Variants in ATP2B1 observed in about 807,000 individuals in gnomAD.
ATP2B1 encodes the protein plasma membrane calcium-transporting ATPase 1.
ATP2B1 carries 14 observed loss-of-function variants against 124.2 expected under a neutral mutation model. That is an observed-to-expected ratio of 0.11 (90% CI 0.07 to 0.18). The LOEUF (loss-of-function observed/expected upper bound fraction) is 0.18. ATP2B1 is among the 10% of genes least tolerant of loss of function. The pLI, the probability that ATP2B1 is intolerant of heterozygous loss-of-function variation, is 1.00. For synonymous variants in ATP2B1, 449 were observed against 492.4 expected, an observed-to-expected ratio of 0.91 and a Z score of 1.17; for missense variants, 763 against 1,466.1, an observed-to-expected ratio of 0.52 and a Z score of 7.83.
At chr12:89,681,135 A>G (rs935912232) in intron 1 of ATP2B1, among the ~76,000 whole-genome samples, 2 of 152,206 alleles carry the variant, frequency 1.3e-5, no homozygotes, top group African/African-American at 2.4e-5. Context: ...CTAAAACTAA[A>G]GTGGAACACG....
chr12:89,689,719 T>C (rs545889016), intron 1 of ATP2B1, among the ~76,000 whole-genome samples: 25 of 152,294 alleles, frequency 1.6e-4, no homozygotes, highest in African/African-American at 5.8e-4. Flanking sequence ...ATTTTAAACA[T>C]ACATATTAGA....
intron 1 of ATP2B1, among the ~76,000 whole-genome samples, chr12:89,677,132 T>A (rs138036550): frequency 6.6e-6 from 1 of 152,142 alleles, no homozygotes; most frequent in Middle Eastern, 3.2e-3. Context: ...TGTGCAGGGA[T>A]ACACAAGGAT....
chr12:89,708,438 C>A (rs1198855522), intron 1 of ATP2B1, among the ~76,000 whole-genome samples, 158 bp downstream of exon 1: 1 of 152,130 alleles, frequency 6.6e-6, no homozygotes, highest in Non-Finnish European at 1.5e-5. Context: ...GGGCCCCGAC[C>A]GCCCCCGTCA....
chr12:89,707,829 C>G (rs1467414035), intron 1 of ATP2B1, among the ~76,000 whole-genome samples: 1 of 152,146 alleles, frequency 6.6e-6, no homozygotes, highest in African/African-American at 2.4e-5. Context: ...AGGATTCTCC[C>G]GCAGGATGGG....
intron 3 of ATP2B1, 187 bp downstream of exon 3, chr12:89,641,971 G>A: frequency 1.6e-6 from 1 of 608,734 alleles, no homozygotes; most frequent in Non-Finnish European, 2.8e-6. Flanking sequence ...GTAAAAGGGA[G>A]GTAACACAAT....
intron 1 of ATP2B1, among the ~76,000 whole-genome samples, chr12:89,683,697 G>C (rs903189454): frequency 6.6e-6 from 1 of 152,174 alleles, no homozygotes; most frequent in Non-Finnish European, 1.5e-5. Flanking sequence ...TTCTGACTGA[G>C]GATCCAGGAG....
chr12:89,705,005 A>G (rs1892286870), intron 1 of ATP2B1, among the ~76,000 whole-genome samples: 1 of 152,176 alleles, frequency 6.6e-6, no homozygotes, highest in Admixed American at 6.5e-5. Flanking sequence ...GTGTTAAGAT[A>G]TAAATGAAAT....
chr12:89,601,688 C>A (rs996359013), intron 18 of ATP2B1, among the ~76,000 whole-genome samples: 4 of 152,026 alleles, frequency 2.6e-5, no homozygotes, highest in African/African-American at 9.7e-5. Flanking sequence ...TTGATGCATG[C>A]GTATTTCATG....
At chr12:89,593,569 T>G (rs1874000680) in intron 20 of ATP2B1, 1 of 152,070 alleles carries the variant, frequency 6.6e-6, no homozygotes, top group Non-Finnish European at 1.5e-5. Context: ...TTTAAACATG[T>G]TAAATTTGGA....
In ATP2B1 at chr12:89,627,698, G is replaced by C. The variant is rs1865395860; in HGVS notation, c.947C>G (p.Ala316Gly). Residue 316 changes from alanine (A) to glycine (G), a missense_variant, in exon 7 of 21, where the codon GCT becomes GGT. This residue lies in a region of ATP2B1 where 392 missense variants were observed against 776.6 expected (regional missense o/e 0.50). Coordinates refer to ENST00000428670, the MANE Select transcript of ATP2B1 (RefSeq NM_001366521.1). ...KEKKNKKQDG[A>G]IENRNKAKAQ... is the part of the protein sequence containing the mutation. Reference sequence around the variant, plus strand: ...TTTACCTTTGTTGCGATTCTCAATAGCTCCATCTTGTTTCTTATCTGTAGG... The same window carrying C: ...TTTACCTTTGTTGCGATTCTCAATACCTCCATCTTGTTTCTTATCTGTAGG... The C allele has an allele frequency of 6.2e-7, 1 of 1,613,716 alleles. No individual in the cohort carries two copies. Among genetic ancestry groups the C allele is most frequent in the African/African-American group, 1.3e-5 (1 of 74,902 alleles).
At chr12:89,688,837 T>G (rs1890241663) in intron 1 of ATP2B1, among the ~76,000 whole-genome samples, 1 of 152,088 alleles carries the variant, frequency 6.6e-6, no homozygotes, top group Non-Finnish European at 1.5e-5. Context: ...TAAAATTCTT[T>G]GTCTATCCCC....
chr12:89,595,069 G>T (rs1308507620), intron 20 of ATP2B1, among the ~76,000 whole-genome samples: 1 of 151,938 alleles, frequency 6.6e-6, no homozygotes, highest in Non-Finnish European at 1.5e-5. Flanking sequence ...TATCTATCTG[G>T]AACAGGGGTT....
intron 15 of ATP2B1, among the ~76,000 whole-genome samples, chr12:89,604,691 A>G (rs2135951987): frequency 6.6e-6 from 1 of 152,294 alleles, no homozygotes; most frequent in Non-Finnish European, 1.5e-5. Flanking sequence ...TTAGAGGAAA[A>G]GGAGATTCTA....
chr12:89,681,856 C>T (rs1003258446), intron 1 of ATP2B1, among the ~76,000 whole-genome samples: 1 of 152,022 alleles, frequency 6.6e-6, no homozygotes, highest in Non-Finnish European at 1.5e-5. Context: ...ATATACAAGG[C>T]AAAGGATGCC....
chr12:89,605,980 T>C (rs1274273818), intron 15 of ATP2B1, among the ~76,000 whole-genome samples: 1 of 151,714 alleles, frequency 6.6e-6, no homozygotes, highest in African/African-American at 2.4e-5. Flanking sequence ...ACAAACCAAA[T>C]AAAAATTAAA....
chr12:89,675,228 T>C (rs1200107322), intron 1 of ATP2B1, among the ~76,000 whole-genome samples: 4 of 152,182 alleles, frequency 2.6e-5, no homozygotes, highest in African/African-American at 9.6e-5. Context: ...CCGTCTAGCT[T>C]ACAATCCAAG....
chr12:89,703,681 A>G lies in ATP2B1; in HGVS notation c.-222+4915T>C, dbSNP rs140914950. Among the ~76,000 whole-genome samples, 4 of 152,318 alleles carry G rather than the reference A, an allele frequency of 2.6e-5. No individual in the cohort carries two copies. In the East Asian group the frequency reaches 7.7e-4, roughly 29 times the overall value. ...ATTCTCTAATAGTTTACAGTGCTTA[A>G]TAAGTAACTTAAGTAACCACAGATG... is the stretch of plus-strand genomic sequence containing the variant. On this transcript the variant is annotated intron_variant, in intron 1 of 20. Transcript: ENST00000428670.
At chr12:89,658,980 C>T (rs1328421586) in intron 1 of ATP2B1, among the ~76,000 whole-genome samples, 1 of 152,128 alleles carries the variant, frequency 6.6e-6, no homozygotes, top group Non-Finnish European at 1.5e-5. Context: ...TCTAGATCAC[C>T]CATAGCTCCT....
intron 2 of ATP2B1, among the ~76,000 whole-genome samples, chr12:89,644,112 A>G (rs888603761): frequency 1.3e-5 from 2 of 151,982 alleles, no homozygotes; most frequent in Non-Finnish European, 2.9e-5. Context: ...ATAGAGCAAG[A>G]CTCTGTTTCC....
Sources: gnomAD v4.1 joint callset for allele counts (sites outside exome capture counted in the v4.1 genomes callset) on GRCh38, gnomAD v4.1.1 for gene constraint, gnomAD v4.1.1 regional missense constraint, MANE v1.5 for transcripts, NCBI Gene and HGNC (gene_info 2026-07-23, HGNC 2026-07-21) for gene names.